PXK: variants seen among roughly 807,000 people sequenced by gnomAD.
The protein encoded by PXK is PX domain containing serine/threonine kinase like.
PXK carries 35 observed loss-of-function variants against 84.7 expected under a neutral mutation model. The ratio of observed to expected loss-of-function variants is 0.41; its 90% CI spans 0.32 to 0.55. PXK has a LOEUF of 0.55. Among genes scored for constraint, PXK ranks in the 20% least tolerant of loss-of-function variants. PXK has a pLI of 0.21. For missense variants in PXK, 634 were observed against 699.7 expected (o/e 0.91, Z 1.06); for synonymous variants, 253 against 260.8 (o/e 0.97, Z 0.29).
chr3:58,420,741 G>A, intron 17 of PXK: 2 of 1,433,942 alleles, frequency 1.4e-6, no homozygotes, highest in Non-Finnish European at 1.8e-6. Flanking sequence ...AAAGCACCCA[G>A]TGACTTCATC....
chr3:58,395,023 T>C lies in PXK; in HGVS notation c.641T>C (p.Phe214Ser), dbSNP rs1183134652. 1 of 1,613,458 alleles carries C rather than the reference T, an allele frequency of 6.2e-7. No homozygotes were observed. Among genetic ancestry groups the C allele is most frequent in the Non-Finnish European group, 8.5e-7 (1 of 1,179,502 alleles). ...CLHPYIYRVTFATANESSALL... is the reference protein window; with the variant it reads ...CLHPYIYRVTSATANESSALL... ...CACCCTTACATCTATCGGGTTACCT[T>C]TGCCACAGCTAATGAATCCTCAGCG... Residue 214 changes from phenylalanine to serine, a missense_variant, in exon 8 of 18, where the codon TTT becomes TCT. Coordinates refer to ENST00000356151, the MANE Select transcript of PXK (RefSeq NM_017771.5).
At chr3:58,410,048 G>C in intron 15 of PXK, 42 bp from the exon 16 acceptor site, 1 of 1,293,696 alleles carries the variant, frequency 7.7e-7, no homozygotes, top group Non-Finnish European at 1.1e-6. Flanking sequence ...TTTATTCTTT[G>C]CTTTCCTCTC....
intron 4 of PXK, among the ~76,000 whole-genome samples, chr3:58,389,164 G>T (rs2098597566): frequency 2.0e-5 from 3 of 152,118 alleles, no homozygotes; most frequent in African/African-American, 7.2e-5. Context: ...AGAAAAAGAG[G>T]ATGGATTTTT....
intron 1 of PXK, among the ~76,000 whole-genome samples, chr3:58,336,164 G>A (rs2097605080): frequency 6.8e-6 from 1 of 147,912 alleles, no homozygotes; most frequent in Non-Finnish European, 1.5e-5. Flanking sequence ...TCCCACCTCA[G>A]CCTCCCAAAG....
At chr3:58,362,370 A>G (rs2098201803) in intron 1 of PXK, among the ~76,000 whole-genome samples, 2 of 152,178 alleles carry the variant, frequency 1.3e-5, no homozygotes, top group African/African-American at 4.8e-5. Context: ...TTGGTAGTAC[A>G]ATGTGTGAAT....
chr3:58,395,939 T>C (rs1471666321), intron 9 of PXK, among the ~76,000 whole-genome samples, 180 bp downstream of exon 9: 3 of 152,262 alleles, frequency 2.0e-5, no homozygotes, highest in Non-Finnish European at 4.4e-5. Context: ...CAGTCACTTA[T>C]GTCTACAAAA....
intron 12 of PXK, among the ~76,000 whole-genome samples, chr3:58,402,974 G>T (rs184682127): frequency 3.0e-4 from 46 of 150,890 alleles, no homozygotes; most frequent in Admixed American, 3.0e-3. Flanking sequence ...AATAGACCCG[G>T]TGTCTGTTGT....
Position 58,424,954 on chromosome 3 carries a change from C to T in PXK, c.1731C>T (p.Ile577=), listed in dbSNP as rs776270149. 34 of 1,613,908 alleles carry T rather than the reference C, an allele frequency of 2.1e-5. No individual in the cohort carries two copies. The highest frequency in any genetic ancestry group is 3.3e-5 in the Admixed American group (2 of 59,994). The change falls in exon 18 of 18, where the codon ATC becomes ATT. Residue 577 remains isoleucine (I), a synonymous_variant. Coordinates refer to ENST00000356151, the MANE Select transcript of PXK (RefSeq NM_017771.5). ...AKTCDHSAPK[I]G ...CCTGTGATCACAGTGCTCCGAAGAT[C>T]GGCTGAAGCTTCCTGTTTACACTTG...
chr3:58,345,714 A>G (rs975870045), intron 1 of PXK, among the ~76,000 whole-genome samples: 1 of 152,162 alleles, frequency 6.6e-6, no homozygotes, highest in African/African-American at 2.4e-5. Context: ...AACTCATCCC[A>G]TGCTTCCTGT....
chr3:58,357,985 C>A (rs1042238820), intron 1 of PXK, among the ~76,000 whole-genome samples: 5 of 151,442 alleles, frequency 3.3e-5, no homozygotes, highest in African/African-American at 9.7e-5. Flanking sequence ...AACAAAAAAA[C>A]AAAAAAACCA....
chr3:58,421,089 A>C lies in PXK; in HGVS notation c.1529-3663A>C. 1 of 992,356 alleles carries C rather than the reference A, an allele frequency of 1.0e-6. No homozygotes were observed. Among genetic ancestry groups the C allele is most frequent in the Non-Finnish European group, 1.2e-6 (1 of 834,666 alleles). The allele number at this position is 992,356 out of a possible 1,614,324, so 61.5% of individuals were successfully genotyped here. ...ACAGCCTCCTCACCTGCCTGAAGCCAAAGGAGAAGGTGGTTCTCCCGAGAG... is the reference window on the plus strand; with the variant it reads ...ACAGCCTCCTCACCTGCCTGAAGCCCAAGGAGAAGGTGGTTCTCCCGAGAG... On this transcript the variant is annotated intron_variant, in intron 17 of 17. Transcript: ENST00000356151. The surrounding 1 kb of genome is among the most constrained non-coding windows in gnomAD (Gnocchi z 5.5).
Position 58,416,024 on chromosome 3 carries a change from G to C in PXK, c.1528+3061G>C, listed in dbSNP as rs1178753697. 2.6e-5 allele frequency among the ~76,000 whole-genome samples: 4 copies of C among 152,184 alleles called. No homozygotes were observed. The stretch of plus-strand genomic sequence containing the variant: ...GAAAAATGCTAACTTGCTAGGGGGA[G>C]TGACTTTCTCCAAGCCTCTCAAGAA... On this transcript the variant is annotated intron_variant, in intron 17 of 17. Transcript: ENST00000356151. This position sits in a 1 kb window ranked among gnomAD's most constrained non-coding sequence, Gnocchi z 4.8.
chr3:58,345,586 G>C (rs1398514297), intron 1 of PXK, among the ~76,000 whole-genome samples: 3 of 152,088 alleles, frequency 2.0e-5, no homozygotes, highest in Admixed American at 2.0e-4. Flanking sequence ...TTAGTCAGCG[G>C]TTTATTATGG....
intron 17 of PXK, chr3:58,423,509 A>C (rs1298550298): frequency 6.5e-7 from 1 of 1,535,516 alleles, no homozygotes; most frequent in Admixed American, 2.0e-5. Flanking sequence ...GTGATTTTCT[A>C]TTGTAAGACT....
intron 17 of PXK, among the ~76,000 whole-genome samples, chr3:58,418,663 G>A (rs571586629): frequency 6.6e-6 from 1 of 152,318 alleles, no homozygotes; most frequent in South Asian, 2.1e-4. Flanking sequence ...CATACATGGC[G>A]AGGCTTTATA....
chr3:58,340,707 A>T (rs1213556115), intron 1 of PXK, among the ~76,000 whole-genome samples: 2 of 151,254 alleles, frequency 1.3e-5, no homozygotes. Context: ...CCTTGGTAAC[A>T]AGAGGGAAAC....
intron 9 of PXK, among the ~76,000 whole-genome samples, chr3:58,396,378 G>T (rs1157376141): frequency 1.3e-5 from 2 of 152,108 alleles, no homozygotes; most frequent in Non-Finnish European, 2.9e-5. Context: ...CAACAACTAT[G>T]AAGAGAAGTT....
intron 3 of PXK, 73 bp downstream of exon 3, chr3:58,369,551 A>G: frequency 8.3e-7 from 1 of 1,209,832 alleles, no homozygotes; most frequent in South Asian, 1.2e-5. Context: ...GAGTCGGGGC[A>G]CGGTGGCTCA....
chr3:58,374,463 G>A (rs773199077), intron 3 of PXK, among the ~76,000 whole-genome samples: 1 of 152,062 alleles, frequency 6.6e-6, no homozygotes, highest in African/African-American at 2.4e-5. Flanking sequence ...TGTGAGCCAC[G>A]GCGCCTGGCC....
Sources: allele counts gnomAD v4.1 joint callset (sites outside exome capture counted in the v4.1 genomes callset), GRCh38; gene constraint gnomAD v4.1.1; non-coding constraint Gnocchi (gnomAD v3.1); transcripts MANE v1.5; gene names NCBI Gene and HGNC (gene_info 2026-07-23, HGNC 2026-07-21).